The following IL6R variants were observed in gnomAD, a reference collection of about 807,000 sequenced individuals.
The protein encoded by IL6R is interleukin-6 receptor subunit alpha.
In IL6R, 38 loss-of-function variants were observed where a neutral mutation model predicts 48.3. That is an observed-to-expected ratio of 0.79 (90% CI 0.61 to 1.03). IL6R has a LOEUF of 1.03. Ranked by LOEUF, IL6R falls within the 50% of genes least tolerant of loss-of-function variation. The pLI, the probability that IL6R is intolerant of heterozygous loss-of-function variation, is 0.00. For synonymous variants in IL6R, 264 were observed against 256.2 expected (o/e 1.03, Z -0.29); for missense variants, 534 against 618.3 (o/e 0.86, Z 1.45).
At chr1:154,428,626 C>T (rs969807999) in intron 1 of IL6R, among the ~76,000 whole-genome samples, 15 of 152,228 alleles carry the variant, frequency 9.9e-5, no homozygotes, top group African/African-American at 3.6e-4. Flanking sequence ...AGGGTGCCTA[C>T]TTCTGTGGTG....
intron 9 of IL6R, among the ~76,000 whole-genome samples, chr1:154,461,329 C>T (rs939612457): frequency 2.0e-4 from 30 of 152,134 alleles, no homozygotes; most frequent in African/African-American, 6.8e-4. Flanking sequence ...TCCAGCCTTC[C>T]ACAAGAAGCT....
At chr1:154,461,507 A>C (rs1691262613) in intron 9 of IL6R, among the ~76,000 whole-genome samples, 1 of 152,166 alleles carries the variant, frequency 6.6e-6, no homozygotes. Flanking sequence ...CTTCTAGGTC[A>C]CTTCTCCCAA....
intron 1 of IL6R, chr1:154,418,468 AG>A (rs1688476663): frequency 1.1e-6 from 1 of 946,996 alleles, no homozygotes; most frequent in Middle Eastern, 5.4e-4. Context: ...AGCAGGTACA[AG>A]AAGTACAAAT....
intron 9 of IL6R, among the ~76,000 whole-genome samples, chr1:154,464,285 T>G (rs4360515): frequency 0.97 from 146,963 of 151,934 alleles, 71,261 homozygotes; most frequent in Middle Eastern, 1. Context: ...CTCCCAAGTA[T>G]CTGGGATTAC....
At position 154,456,206 on chromosome 1, in the gene IL6R, C is replaced by CTT. The variant is rs34592707; in HGVS notation, c.1160+1640_1160+1641dup. Reference sequence around the variant, plus strand: ...TGGGTTGGAGAGCCATGAATAGATTCTTTTTTTTTTTTTTTTGAGATGGAG... The same window carrying CTT: ...TGGGTTGGAGAGCCATGAATAGATTCTTTTTTTTTTTTTTTTTTGAGATGGAG... On this transcript the variant is annotated intron_variant, in intron 9 of 9. Transcript: ENST00000368485. Among the ~76,000 whole-genome samples, 144 of 135,008 alleles carry CTT rather than the reference C, an allele frequency of 1.1e-3. 1 individual carries two copies. Among genetic ancestry groups the CTT allele is most frequent in the East Asian group, 2.7e-3 (12 of 4,496 alleles). The allele number at this position is 135,008 out of a possible 152,430, so 88.6% of individuals were successfully genotyped here. A position where few individuals can be genotyped will look rare whatever the true frequency, so the allele number is the denominator to read the frequency against.
chr1:154,467,683 T>C lies in IL6R; in HGVS notation c.*2303T>C, dbSNP rs1462604309. 6.6e-6 allele frequency: 1 copy of C among 152,186 alleles called. No homozygotes were observed. Among genetic ancestry groups the C allele is most frequent in the Admixed American group, 6.5e-5 (1 of 15,274 alleles). 9.4% of individuals were successfully genotyped at this position (152,186 alleles called of 1,614,324 possible). A position where few individuals can be genotyped will look rare whatever the true frequency, so the allele number is the denominator to read the frequency against. On this transcript the variant is annotated 3_prime_UTR_variant, in exon 10 of 10. Coordinates refer to ENST00000368485, the MANE Select transcript of IL6R (RefSeq NM_000565.4). ...TGGGAGGCCAAGGTGGGAGGATTGCTTGAGCTCAGGAGTTTGAGACCAACC... is the reference window on the plus strand; with the variant it reads ...TGGGAGGCCAAGGTGGGAGGATTGCCTGAGCTCAGGAGTTTGAGACCAACC...
At chr1:154,462,792 C>A (rs1018061162) in intron 9 of IL6R, among the ~76,000 whole-genome samples, 2 of 152,030 alleles carry the variant, frequency 1.3e-5, no homozygotes, top group African/African-American at 4.8e-5. Context: ...TGTTATTTTG[C>A]TTTTATTTAA....
intron 6 of IL6R, chr1:154,444,900 C>G: frequency 8.1e-6 from 3 of 371,988 alleles, no homozygotes; most frequent in South Asian, 3.9e-5. Context: ...GAGACCCTGT[C>G]TTAACAACAA....
intron 1 of IL6R, among the ~76,000 whole-genome samples, chr1:154,410,740 T>C (rs1687974745): frequency 6.6e-6 from 1 of 152,164 alleles, no homozygotes; most frequent in Non-Finnish European, 1.5e-5. Context: ...TGCTTTCTAC[T>C]CTTAGGAGTA....
rs1256224594 is a variant in IL6R at position 154,435,976 on chromosome 1, A to G, written c.815A>G (p.Asp272Gly). The G allele has an allele frequency of 2.5e-6, 4 of 1,603,606 alleles. No homozygotes were observed. The highest frequency in any genetic ancestry group is 3.4e-6 in the Non-Finnish European group (4 of 1,172,232). The change falls in exon 6 of 10, where the codon GAC becomes GGC. Residue 272 changes from aspartate to glycine, a missense_variant. By Grantham distance (94) the Asp-to-Gly change is moderately conservative (BLOSUM62 -1). Coordinates refer to ENST00000368485, the MANE Select transcript of IL6R (RefSeq NM_000565.4). The part of the protein sequence containing the change: ...SKTFTTWMVK[D>G]LQHHCVIHDA... ...CCGTGCCCCCGCCCTCAGGTCAAGGACCTCCAGCATCACTGTGTCATCCAC... is the reference window on the plus strand; with the variant it reads ...CCGTGCCCCCGCCCTCAGGTCAAGGGCCTCCAGCATCACTGTGTCATCCAC...
At chr1:154,429,069 G>A (rs1689138257) in intron 1 of IL6R, 127 bp from the exon 2 acceptor site, 5 of 1,063,010 alleles carry the variant, frequency 4.7e-6, no homozygotes, top group Non-Finnish European at 6.9e-6. Flanking sequence ...CCTAATCCAG[G>A]CAGAGGTGAC....
chr1:154,432,568 G>T (rs115683775), intron 3 of IL6R, among the ~76,000 whole-genome samples: 1,566 of 152,172 alleles, frequency 0.01, 27 homozygotes, highest in African/African-American at 0.035. Context: ...ATGTTAGCGG[G>T]GCTGGTCTCG....
In IL6R at chr1:154,469,319, G is replaced by T. The variant is rs1331587522; in HGVS notation, c.*3939G>T. On this transcript the variant is annotated 3_prime_UTR_variant, in exon 10 of 10. Coordinates refer to ENST00000368485, the MANE Select transcript of IL6R (RefSeq NM_000565.4). ...GTTTGTTTGTTTTACCTAATTACCT[G>T]AAAGCAAATACCAAAGGCTGATGTC... The T allele has an allele frequency of 2.0e-5, 3 of 152,148 alleles. No homozygotes were observed. Among genetic ancestry groups the T allele is most frequent in the Non-Finnish European group, 4.4e-5 (3 of 68,016 alleles). The allele number at this position is 152,148 out of a possible 1,614,324, so 9.4% of individuals were successfully genotyped here. A position where few individuals can be genotyped will look rare whatever the true frequency, so the allele number is the denominator to read the frequency against.
At chr1:154,446,932 C>A (rs1303632775) in intron 6 of IL6R, among the ~76,000 whole-genome samples, 1 of 152,056 alleles carries the variant, frequency 6.6e-6, no homozygotes, top group African/African-American at 2.4e-5. Flanking sequence ...TAGAATTTTT[C>A]TTGTCTTGCA....
At position 154,465,526 on chromosome 1, in the gene IL6R, G is replaced by A. The variant is rs1365241901; in HGVS notation, c.*146G>A. The A allele has an allele frequency of 5.7e-6, 5 of 877,210 alleles. No individual in the cohort carries two copies. The highest frequency in any genetic ancestry group is 5.2e-5 in the Admixed American group (2 of 38,696). The allele number at this position is 877,210 out of a possible 1,614,324, so 54.3% of individuals were successfully genotyped here. ...GGAAGAGCCTTGCGGAAGGTTCTAC[G>A]CCAGGGGAAAATCAGCCTGCTCCAG... On this transcript the variant is annotated 3_prime_UTR_variant, in exon 10 of 10. Transcript: ENST00000368485.
intron 6 of IL6R, chr1:154,444,952 G>T: frequency 2.5e-6 from 1 of 393,770 alleles, no homozygotes; most frequent in Non-Finnish European, 5.2e-6. Flanking sequence ...CCCCCCAAAT[G>T]AGGAAGGGTG....
intron 8 of IL6R, 124 bp downstream of exon 8, chr1:154,450,104 C>CTGTGTG (rs71586016): frequency 0.071 from 33,740 of 477,584 alleles, 614 homozygotes; most frequent in Non-Finnish European, 0.08. Context: ...CAGAAATGTT[C>CTGTGTG]TGTGTGTGTG....
At chr1:154,442,799 T>C (rs1690014373) in intron 6 of IL6R, among the ~76,000 whole-genome samples, 1 of 151,538 alleles carries the variant, frequency 6.6e-6, no homozygotes. Context: ...TTTTTTTTTT[T>C]TTTCAGAGAT....
intron 5 of IL6R, 27 bp from the exon 6 acceptor site, chr1:154,435,942 C>A (rs757964783): frequency 6.3e-7 from 1 of 1,579,174 alleles, no homozygotes; most frequent in East Asian, 2.3e-5. Context: ...GGATACCTCC[C>A]CAGAGTCACC....
Sources: gnomAD v4.1 joint callset for allele counts (sites outside exome capture counted in the v4.1 genomes callset) on GRCh38, gnomAD v4.1.1 for gene constraint, MANE v1.5 for transcripts, NCBI Gene and HGNC (gene_info 2026-07-23, HGNC 2026-07-21) for gene names.